Variants in MTCL1 observed in about 807,000 individuals in gnomAD.
MTCL1 encodes microtubule cross-linking factor 1.
A neutral mutation model predicts 141.4 loss-of-function variants in MTCL1; 79 were observed. That is an observed-to-expected ratio of 0.56 (90% CI 0.47 to 0.67). The LOEUF is 0.67. Ranked by LOEUF, MTCL1 falls within the 30% of genes least tolerant of loss-of-function variation. MTCL1 has a pLI of 0.00. For synonymous variants in MTCL1, 914 were observed against 875.8 expected, an observed-to-expected ratio of 1.04 and a Z score of -0.77; for missense variants, 2,177 against 2,113.9, an observed-to-expected ratio of 1.03 and a Z score of -0.59.
chr18:8,709,133 G>T (rs1036185643), intron 1 of MTCL1, among the ~76,000 whole-genome samples: 3 of 152,146 alleles, frequency 2.0e-5, no homozygotes. Context: ...GGTGGTTAGC[G>T]TGTGCCCTTT....
chr18:8,792,812 G>A (rs938346654), intron 7 of MTCL1, among the ~76,000 whole-genome samples, 186 bp from the exon 7 acceptor site: 2 of 152,200 alleles, frequency 1.3e-5, no homozygotes, highest in Non-Finnish European at 2.9e-5. Context: ...CCCAGGTAAC[G>A]CAGGGAGCTG....
At chr18:8,794,232 C>T (rs2075834550) in intron 8 of MTCL1, among the ~76,000 whole-genome samples, 3 of 152,208 alleles carry the variant, frequency 2.0e-5, no homozygotes. Context: ...GAAGATGCTG[C>T]TAGCACAGTG....
At chr18:8,718,737 G>GTGTC in intron 3 of MTCL1, 89 bp downstream of exon 2, 1 of 1,176,244 alleles carries the variant, frequency 8.5e-7, no homozygotes, top group African/African-American at 1.5e-5. Flanking sequence ...TTCCCTGCTT[G>GTGTC]TGTCTGTCTC....
At chr18:8,715,681 G>C (rs1383335226), upstream of MTCL1, among the ~76,000 whole-genome samples, 2 of 152,166 alleles carry the variant, frequency 1.3e-5, no homozygotes, top group Non-Finnish European at 2.9e-5. Context: ...AATCAAACTT[G>C]ACGTTGATTT....
chr18:8,819,202 G>A (rs768195234), exon 13 of MTCL1: 6 of 1,614,082 alleles, frequency 3.7e-6, no homozygotes, highest in Non-Finnish European at 8.5e-7. Flanking sequence ...TGGATGACGA[G>A]CCAGAAGAGC....
At chr18:8,783,657 C>G (rs1450471173) in exon 6 of MTCL1, 3 of 1,612,800 alleles carry the variant, frequency 1.9e-6, no homozygotes, top group Non-Finnish European at 8.5e-7. Flanking sequence ...AAGTACAAGT[C>G]CCTCTATGGG....
At chr18:8,718,385 G>A (rs1260927390) in intron 2 of MTCL1, 39 bp from the exon 2 acceptor site, 3 of 1,586,118 alleles carry the variant, frequency 1.9e-6, no homozygotes, top group Non-Finnish European at 1.7e-6. Context: ...CTTTTTTGAT[G>A]TACTTGGCTC....
intron 7 of MTCL1, among the ~76,000 whole-genome samples, chr18:8,788,052 C>G (rs1366268778): frequency 6.6e-6 from 1 of 152,182 alleles, no homozygotes; most frequent in East Asian, 1.9e-4. Flanking sequence ...GAGAATATCC[C>G]TGAATTTGCT....
intron 4 of MTCL1, 82 bp from the exon 4 acceptor site, chr18:8,777,751 C>T: frequency 7.9e-7 from 1 of 1,265,986 alleles, no homozygotes; most frequent in Non-Finnish European, 1.1e-6. Flanking sequence ...GTGTGTGTCC[C>T]CACCCATGGG....
chr18:8,803,159 T>TAA, intron 10 of MTCL1, among the ~76,000 whole-genome samples: 1 of 145,396 alleles, frequency 6.9e-6, no homozygotes, highest in South Asian at 2.2e-4. Flanking sequence ...AGGTAAAGTT[T>TAA]AAAAAAAAAA....
chr18:8,812,963 C>G lies in MTCL1; in HGVS notation c.2605-16C>G. 6.2e-7 allele frequency: 1 copy of G among 1,602,074 alleles called. No homozygotes were observed. The highest frequency in any genetic ancestry group is 1.3e-5 in the African/African-American group (1 of 74,764). ...CTTGTCAGAGAGGGAATTCCTAAGT[C>G]TCTTCTCCTTGACAGCTGGAAGAGA... On this transcript the variant is annotated splice_polypyrimidine_tract_variant and intron_variant, in intron 11 of 16. Coordinates refer to ENST00000359865, the Ensembl canonical transcript of MTCL1.
exon 1 of MTCL1, chr18:8,706,696 G>A (rs1360948592): frequency 6.5e-7 from 1 of 1,546,212 alleles, no homozygotes; most frequent in South Asian, 1.2e-5. Context: ...GCTGCGCTCG[G>A]AGAACGACTA....
rs966863484 is a variant in MTCL1 at position 8,719,962 on chromosome 18, T to C, written c.199-376T>C. 1.7e-5 allele frequency: 3 copies of C among 175,296 alleles called. 1 individual carries two copies. In the South Asian group the frequency reaches 5.0e-4, roughly 29 times the overall value. 10.9% of individuals were successfully genotyped at this position (175,296 alleles called of 1,614,324 possible). A position where few individuals can be genotyped will look rare whatever the true frequency, so the allele number is the denominator to read the frequency against. On this transcript the variant is annotated intron_variant, in intron 3 of 16. Transcript: ENST00000359865. The stretch of plus-strand genomic sequence containing the variant: ...TTAAAGCACGTGAGCTTGGGCAGAA[T>C]TGGCATGGTTGGTGATCATCTGTGA...
rs2076888018 is a variant in MTCL1, at chr18:8,822,788, C to CA, written c.3188+1291dup. ...ACAGAGTTTAGTCATTACACCCTCCCACCTTCCCCGTTCACAGCAGCAGCC... is the reference window on the plus strand; with the variant it reads ...ACAGAGTTTAGTCATTACACCCTCCCAACCTTCCCCGTTCACAGCAGCAGCC... On this transcript the variant is annotated intron_variant, in intron 14 of 16. Transcript: ENST00000359865. The surrounding 1 kb of genome is among the most constrained non-coding windows in gnomAD (Gnocchi z 4.6). Among the ~76,000 whole-genome samples, 1 of 152,128 alleles carries CA rather than the reference C, an allele frequency of 6.6e-6. No individual in the cohort carries two copies. The highest frequency in any genetic ancestry group is 2.1e-4 in the South Asian group (1 of 4,820).
chr18:8,814,974 A>G (rs193011738), intron 12 of MTCL1, among the ~76,000 whole-genome samples: 44 of 152,150 alleles, frequency 2.9e-4, no homozygotes, highest in African/African-American at 7.0e-4. Flanking sequence ...AGGAAACAAC[A>G]GGTGCTGGAG....
intron 4 of MTCL1, among the ~76,000 whole-genome samples, chr18:8,756,255 T>C (rs1403501592): frequency 2.6e-5 from 4 of 152,130 alleles, no homozygotes; most frequent in Non-Finnish European, 5.9e-5. Context: ...CATGTCACAT[T>C]TCCACTACAG....
intron 14 of MTCL1, among the ~76,000 whole-genome samples, chr18:8,824,433 G>A (rs937219457): frequency 3.3e-5 from 5 of 152,196 alleles, no homozygotes; most frequent in Admixed American, 1.3e-4. Flanking sequence ...CCAAAGTGTT[G>A]GGATTACGGG....
chr18:8,743,075 T>C (rs535274398), intron 4 of MTCL1, among the ~76,000 whole-genome samples: 1 of 152,374 alleles, frequency 6.6e-6, no homozygotes, highest in African/African-American at 2.4e-5. Context: ...TTGAGTAATT[T>C]ACTTTAAACT....
At chr18:8,716,361 C>T (rs998752871), upstream of MTCL1, among the ~76,000 whole-genome samples, 57 of 152,196 alleles carry the variant, frequency 3.7e-4, no homozygotes, top group African/African-American at 1.4e-3. Flanking sequence ...GTGGAGAGAA[C>T]CTACATGCTG....
Sources: allele counts gnomAD v4.1 joint callset (sites outside exome capture counted in the v4.1 genomes callset), GRCh38; gene constraint gnomAD v4.1.1; non-coding constraint Gnocchi (gnomAD v3.1); transcripts MANE v1.5; gene names NCBI Gene and HGNC (gene_info 2026-07-23, HGNC 2026-07-21).